The following ROBO2 variants were observed in gnomAD, a reference collection of about 807,000 sequenced individuals.
The protein encoded by ROBO2 is roundabout guidance receptor 2.
A neutral mutation model predicts 160.8 loss-of-function variants in ROBO2; 53 were observed. The observed-to-expected ratio is 0.33, with a 90% confidence interval of 0.26 to 0.41. ROBO2 has a LOEUF of 0.41. ROBO2 is among the 10% of genes least tolerant of loss of function. ROBO2 has a pLI of 1.00. For synonymous variants in ROBO2, 664 were observed against 611.7 expected, an observed-to-expected ratio of 1.09 and a Z score of -1.26; for missense variants, 1,577 against 1,722.4, an observed-to-expected ratio of 0.92 and a Z score of 1.49.
chr3:77,310,505 T>A (rs947947703), intron 2 of ROBO2, among the ~76,000 whole-genome samples: 16 of 152,136 alleles, frequency 1.1e-4, no homozygotes, highest in African/African-American at 3.9e-4. Flanking sequence ...TAAGAAAAGA[T>A]TGATCTTGTG....
intron 2 of ROBO2, among the ~76,000 whole-genome samples, chr3:76,117,150 A>G (rs2070505762): frequency 6.6e-6 from 1 of 152,210 alleles, no homozygotes; most frequent in East Asian, 1.9e-4. Flanking sequence ...ATGAATTCCT[A>G]AACCATATAA....
chr3:76,879,797 T>C (rs3884330), intron 2 of ROBO2, among the ~76,000 whole-genome samples: 2,913 of 152,230 alleles, frequency 0.019, 46 homozygotes, highest in African/African-American at 0.037. Context: ...ATGAAAACCA[T>C]TGTGTTCTAA....
intron 2 of ROBO2, among the ~76,000 whole-genome samples, chr3:76,986,476 G>A (rs867952933): frequency 1.3e-5 from 2 of 151,968 alleles, no homozygotes; most frequent in African/African-American, 4.8e-5. Context: ...ATTACTCATT[G>A]CCAGAATGCC....
Position 77,233,245 on chromosome 3 carries a change from A to G in ROBO2, c.388+134905A>G, listed in dbSNP as rs1230512055. 2.0e-5 allele frequency among the ~76,000 whole-genome samples: 3 copies of G among 152,338 alleles called. No homozygotes were observed. The East Asian group carries it at 5.8e-4, about 29-fold the overall frequency. On this transcript the variant is annotated intron_variant, in intron 2 of 25. Coordinates refer to ENST00000461745, the Ensembl canonical transcript of ROBO2. ...TACCATGAACAATTCAGTAATATCA[A>G]TAAGGTGAAGCCTGATTGTATTATT...
intron 2 of ROBO2, among the ~76,000 whole-genome samples, chr3:77,188,058 C>T (rs966670705): frequency 1.4e-5 from 2 of 144,034 alleles, no homozygotes; most frequent in Non-Finnish European, 3.0e-5. Flanking sequence ...ATTTTTGTAA[C>T]ATTAAACATA....
intron 2 of ROBO2, among the ~76,000 whole-genome samples, chr3:76,782,173 A>G (rs2062687700): frequency 6.6e-6 from 1 of 150,632 alleles, no homozygotes; most frequent in Non-Finnish European, 1.5e-5. Context: ...ATATTGCTTA[A>G]TTTTCACATA....
intron 1 of ROBO2, among the ~76,000 whole-genome samples, chr3:77,089,046 A>G (rs2069752390): frequency 6.6e-6 from 1 of 152,214 alleles, no homozygotes; most frequent in Non-Finnish European, 1.5e-5. Context: ...ATGAATAAAT[A>G]GTACAAAAAA....
rs566895894 is a variant in ROBO2 at position 77,190,573 on chromosome 3, T to C, written c.388+92233T>C. Reference sequence around the variant, plus strand: ...AAAACAGTGAAATGTAGCATTATAATCTGTGAAAAACAAGCAGGATCTTGG... The same window carrying C: ...AAAACAGTGAAATGTAGCATTATAACCTGTGAAAAACAAGCAGGATCTTGG... On this transcript the variant is annotated intron_variant, in intron 2 of 25. Coordinates refer to ENST00000461745, the Ensembl canonical transcript of ROBO2. Among the ~76,000 whole-genome samples, 5 of 152,106 alleles carry C rather than the reference T, an allele frequency of 3.3e-5. No individual in the cohort carries two copies. The East Asian group carries it at 9.7e-4, about 29-fold the overall frequency.
chr3:76,008,896 A>G (rs2066110520), intron 2 of ROBO2, among the ~76,000 whole-genome samples: 1 of 152,146 alleles, frequency 6.6e-6, no homozygotes. Context: ...ATCTATGTAT[A>G]TTTATGCTTA....
intron 2 of ROBO2, among the ~76,000 whole-genome samples, chr3:77,461,537 C>T (rs2082241887): frequency 6.6e-6 from 1 of 151,862 alleles, no homozygotes; most frequent in Non-Finnish European, 1.5e-5. Context: ...CTTCATCACA[C>T]TTTAAAAACA....
At chr3:76,633,581 A>G (rs1333001208) in intron 2 of ROBO2, among the ~76,000 whole-genome samples, 1 of 152,170 alleles carries the variant, frequency 6.6e-6, no homozygotes, top group Non-Finnish European at 1.5e-5. Flanking sequence ...CCAACCAAAT[A>G]AGCAAATAGT....
chr3:77,432,288 A>G (rs1484035807), intron 2 of ROBO2, among the ~76,000 whole-genome samples: 1 of 152,192 alleles, frequency 6.6e-6, no homozygotes, highest in African/African-American at 2.4e-5. Context: ...CTTTAATCCT[A>G]TATTAATAAA....
At chr3:75,971,360 G>A (rs1559794076) in intron 2 of ROBO2, among the ~76,000 whole-genome samples, 1 of 151,452 alleles carries the variant, frequency 6.6e-6, no homozygotes. Flanking sequence ...AGTAATATTT[G>A]AGTGATGAAG....
At chr3:76,110,227 T>C (rs1220475135) in intron 2 of ROBO2, among the ~76,000 whole-genome samples, 18 of 152,068 alleles carry the variant, frequency 1.2e-4, no homozygotes, top group Admixed American at 1.2e-3. Context: ...ATGGCAAACC[T>C]TCTTAAGGTT....
chr3:77,215,696 C>G (rs2084840615), intron 2 of ROBO2, among the ~76,000 whole-genome samples: 2 of 151,964 alleles, frequency 1.3e-5, no homozygotes, highest in East Asian at 3.9e-4. Context: ...TGTTTTTTTC[C>G]CCATCTTTGT....
At chr3:77,628,395 A>C (rs1220556701) in intron 23 of ROBO2, among the ~76,000 whole-genome samples, 2 of 141,892 alleles carry the variant, frequency 1.4e-5, no homozygotes, top group Non-Finnish European at 3.0e-5. Flanking sequence ...TTGTAGATTA[A>C]TGTTTTTATT....
At chr3:76,899,067 T>C (rs1469746457) in intron 2 of ROBO2, among the ~76,000 whole-genome samples, 1 of 152,104 alleles carries the variant, frequency 6.6e-6, no homozygotes, top group African/African-American at 2.4e-5. Context: ...GTACCGGATG[T>C]AGAATGTACA....
At position 77,252,807 on chromosome 3, in the gene ROBO2, C is replaced by CAAAAAAAAA. The variant is rs1182786373; in HGVS notation, c.388+154484_388+154492dup. On this transcript the variant is annotated intron_variant, in intron 2 of 25. Coordinates refer to ENST00000461745, the Ensembl canonical transcript of ROBO2. ...TGGGCAGCAGAGCAAGACTCCATCT[C>CAAAAAAAAA]AAAAAAAAAAAAAAAAAAAAAAAAA... Among the ~76,000 whole-genome samples the CAAAAAAAAA allele has an allele frequency of 1.2e-3, 38 of 32,052 alleles. 1 individual carries two copies. The highest frequency in any genetic ancestry group is 5.3e-3 in the African/African-American group (37 of 7,012). 21.0% of individuals were successfully genotyped at this position (32,052 alleles called of 152,430 possible). A position where few individuals can be genotyped will look rare whatever the true frequency, so the allele number is the denominator to read the frequency against.
rs77008971 is a variant in ROBO2, at chr3:76,875,556, T to C, written c.110-222458T>C. ...TGGAGATCCTGACTGGATCTATTCC[T>C]TGCCTTTTCCAGCCTCCAGAGGTCA... On this transcript the variant is annotated intron_variant, in intron 2 of 26. Transcript: ENST00000487694. Among the ~76,000 whole-genome samples the C allele has an allele frequency of 8.5e-4, 130 of 152,294 alleles. 1 individual carries two copies. In the East Asian group the frequency reaches 0.016, roughly 19 times the overall value.
Sources: gnomAD v4.1 joint callset for allele counts (sites outside exome capture counted in the v4.1 genomes callset) on GRCh38, gnomAD v4.1.1 for gene constraint, MANE v1.5 for transcripts, NCBI Gene and HGNC (gene_info 2026-07-23, HGNC 2026-07-21) for gene names.